The following FAM135A variants were observed in gnomAD, a reference collection of about 807,000 sequenced individuals.
FAM135A encodes protein FAM135A.
Under a neutral mutation model 146.8 loss-of-function variants are expected in FAM135A, and 79 were observed. The observed-to-expected ratio is 0.54, with a 90% CI of 0.45 to 0.65. The LOEUF (loss-of-function observed/expected upper bound fraction) is 0.65, where lower values mean the gene tolerates loss of function less well. Ranked by LOEUF, FAM135A falls within the 30% of genes least tolerant of loss-of-function variation. The probability of loss-of-function intolerance (pLI) is 0.00; values close to 1 mark genes in which losing one functional copy is unlikely to be tolerated. For synonymous variants in FAM135A, 562 were observed against 603.6 expected (o/e 0.93, Z 1.01); for missense variants, 1,623 against 1,758.2 (o/e 0.92, Z 1.38).
chr6:70,450,716 GTTTTTTTTTTTTTTTTTTTTTT>G lies in FAM135A; in HGVS notation c.78-1755_78-1734del, dbSNP rs546674936. ...CTCAGGGAGTGTGACCCTTTTAGTT[GTTTTTTTTTTTTTTTTTTTTTT>G]TTTTTTTTTTTTTTTTTTTTGAGTC... On this transcript the variant is annotated intron_variant, in intron 4 of 21. Coordinates refer to ENST00000418814, the MANE Select transcript of FAM135A (RefSeq NM_001162529.3). Among the ~76,000 whole-genome samples, 29 of 28,348 alleles carry G rather than the reference GTTTTTTTTTTTTTTTTTTTTTT, an allele frequency of 1.0e-3. 1 individual carries two copies. The highest frequency in any genetic ancestry group is 3.6e-3 in the Admixed American group (6 of 1,664). The allele number at this position is 28,348 out of a possible 152,430, so 18.6% of individuals were successfully genotyped here. A position where few individuals can be genotyped will look rare whatever the true frequency, so the allele number is the denominator to read the frequency against.
At chr6:70,493,256 G>A (rs1786455737) in intron 11 of FAM135A, among the ~76,000 whole-genome samples, 2 of 151,914 alleles carry the variant, frequency 1.3e-5, no homozygotes, top group South Asian at 2.1e-4. Flanking sequence ...AAAGCTGTTT[G>A]TGTATTTTAT....
At chr6:70,480,829 T>C in intron 8 of FAM135A, 72 bp from the exon 9 acceptor site, 1 of 1,437,304 alleles carries the variant, frequency 7.0e-7, no homozygotes, top group African/African-American at 1.5e-5. Context: ...TGTAAGATTT[T>C]CCTTTGTAAA....
chr6:70,531,888 C>CTTTTTT (rs869128532), intron 16 of FAM135A, among the ~76,000 whole-genome samples: 55 of 85,726 alleles, frequency 6.4e-4, no homozygotes, highest in Non-Finnish European at 8.6e-4. Context: ...AAACTGATTT[C>CTTTTTT]TTTTTTTTTT....
chr6:70,529,993 G>A (rs1795488531), intron 16 of FAM135A, among the ~76,000 whole-genome samples: 1 of 152,200 alleles, frequency 6.6e-6, no homozygotes, highest in Non-Finnish European at 1.5e-5. Context: ...GAACCTGGGA[G>A]GCGGAGCTTG....
At chr6:70,509,335 CTT>C (rs1161372817) in intron 12 of FAM135A, among the ~76,000 whole-genome samples, 1 of 152,104 alleles carries the variant, frequency 6.6e-6, no homozygotes, top group East Asian at 1.9e-4. Flanking sequence ...AGGTTAGCCT[CTT>C]TTATTCTTTG....
intron 5 of FAM135A, among the ~76,000 whole-genome samples, chr6:70,472,813 A>G (rs1021349648): frequency 2.0e-5 from 3 of 152,168 alleles, no homozygotes; most frequent in African/African-American, 7.2e-5. Context: ...CGTCATGATT[A>G]GATTCATTTT....
intron 5 of FAM135A, among the ~76,000 whole-genome samples, chr6:70,460,916 T>C (rs1260651943): frequency 1.3e-5 from 2 of 149,840 alleles, no homozygotes; most frequent in African/African-American, 2.5e-5. Context: ...CTCCGCCTCC[T>C]GGACTCAAGA....
At position 70,560,096 on chromosome 6, in the gene FAM135A, G is replaced by T; in HGVS notation, c.*175G>T. 3 of 523,068 alleles carry T rather than the reference G, an allele frequency of 5.7e-6. No individual in the cohort carries two copies. Among genetic ancestry groups the T allele is most frequent in the South Asian group, 6.8e-5 (2 of 29,494 alleles). 32.4% of individuals were successfully genotyped at this position (523,068 alleles called of 1,614,324 possible). A position where few individuals can be genotyped will look rare whatever the true frequency, so the allele number is the denominator to read the frequency against. Reference sequence around the variant, plus strand: ...TTTTAAACATCAACTTTACTTTCTAGGTAATGTGGCTGTGCAATATTTTTT... The same window carrying T: ...TTTTAAACATCAACTTTACTTTCTATGTAATGTGGCTGTGCAATATTTTTT... On this transcript the variant is annotated 3_prime_UTR_variant, in exon 22 of 22. Coordinates refer to ENST00000418814, the MANE Select transcript of FAM135A (RefSeq NM_001162529.3).
chr6:70,515,459 T>C (rs191850416), intron 12 of FAM135A, among the ~76,000 whole-genome samples: 1 of 152,232 alleles, frequency 6.6e-6, no homozygotes, highest in Non-Finnish European at 1.5e-5. Flanking sequence ...TGAAAAGACA[T>C]AGAGGAAACT....
At chr6:70,502,914 A>G (rs1788900601) in intron 12 of FAM135A, 123 bp downstream of exon 12, 2 of 1,032,256 alleles carry the variant, frequency 1.9e-6, no homozygotes, top group Non-Finnish European at 2.8e-6. Flanking sequence ...GACATTTGTC[A>G]TATTGTTATT....
At chr6:70,441,953 G>A (rs1774598617) in intron 4 of FAM135A, among the ~76,000 whole-genome samples, 1 of 152,090 alleles carries the variant, frequency 6.6e-6, no homozygotes, top group African/African-American at 2.4e-5. Context: ...AAAGTGCTGG[G>A]ATTACAGGCA....
intron 5 of FAM135A, among the ~76,000 whole-genome samples, chr6:70,468,408 G>A (rs536224068): frequency 9.9e-5 from 15 of 152,284 alleles, no homozygotes; most frequent in African/African-American, 3.4e-4. Context: ...AAAGATAGAG[G>A]TTTCCTAAGC....
intron 4 of FAM135A, among the ~76,000 whole-genome samples, chr6:70,450,716 GTTTTTTTT>G (rs546674936): frequency 3.5e-5 from 1 of 28,322 alleles, no homozygotes; most frequent in African/African-American, 9.5e-5. Flanking sequence ...CCTTTTAGTT[GTTTTTTTT>G]TTTTTTTTTT....
intron 16 of FAM135A, 90 bp from the exon 17 acceptor site, chr6:70,533,070 C>G (rs1796130915): frequency 9.9e-7 from 1 of 1,005,868 alleles, no homozygotes; most frequent in Non-Finnish European, 1.5e-6. Context: ...AGGCCATAAG[C>G]TTGTCTCTAA....
intron 4 of FAM135A, among the ~76,000 whole-genome samples, chr6:70,433,210 G>A (rs911846011): frequency 6.6e-6 from 1 of 151,934 alleles, no homozygotes; most frequent in Non-Finnish European, 1.5e-5. Flanking sequence ...GAGTAGCTGG[G>A]ACTACAGGCG....
At position 70,556,937 on chromosome 6, in the gene FAM135A, T is replaced by C. The variant is rs780910242; in HGVS notation, c.4342+74T>C. On this transcript the variant is annotated intron_variant, in intron 21 of 21. Coordinates refer to ENST00000418814, the MANE Select transcript of FAM135A (RefSeq NM_001162529.3). ...TTCCAAAATTTTTCTTGTAGTCACT[T>C]TCTCTCGTATCTGTCACCCTTCTCT... 5.1e-5 allele frequency: 52 copies of C among 1,021,792 alleles called. 1 individual carries two copies. Among genetic ancestry groups the C allele is most frequent in the Non-Finnish European group, 3.3e-5 (22 of 666,568 alleles). 63.3% of individuals were successfully genotyped at this position (1,021,792 alleles called of 1,614,324 possible). A position where few individuals can be genotyped will look rare whatever the true frequency, so the allele number is the denominator to read the frequency against.
Position 70,500,329 on chromosome 6 carries a change from T to G in FAM135A, c.874-2307T>G, listed in dbSNP as rs6921129. On this transcript the variant is annotated intron_variant, in intron 11 of 21. Transcript: ENST00000418814. ...TTCTCGTGTTGTTTTTTCAACTCCA[T>G]TGGGTCATTTATGTTCCTCTCTAAA... 3.3e-5 allele frequency among the ~76,000 whole-genome samples: 5 copies of G among 152,216 alleles called. No homozygotes were observed. The East Asian group carries it at 9.6e-4, about 29-fold the overall frequency.
At chr6:70,455,875 C>T (rs986615145) in intron 5 of FAM135A, among the ~76,000 whole-genome samples, 3 of 151,978 alleles carry the variant, frequency 2.0e-5, no homozygotes, top group African/African-American at 7.2e-5. Flanking sequence ...TTTTTTGAAG[C>T]GGAGTCTTGC....
chr6:70,446,853 A>G (rs530880605), intron 4 of FAM135A, among the ~76,000 whole-genome samples: 4 of 152,350 alleles, frequency 2.6e-5, no homozygotes, highest in East Asian at 3.9e-4. Flanking sequence ...AACCAGGGAC[A>G]TACCCATTTC....
Sources: allele counts gnomAD v4.1 joint callset (sites outside exome capture counted in the v4.1 genomes callset), GRCh38; gene constraint gnomAD v4.1.1; transcripts MANE v1.5; gene names NCBI Gene and HGNC (gene_info 2026-07-23, HGNC 2026-07-21).